Variants in CREB5 observed in about 807,000 individuals in gnomAD.
CREB5 encodes the protein cyclic AMP-responsive element-binding protein 5.
A neutral mutation model predicts 57.1 loss-of-function variants in CREB5; 19 were observed. The ratio of observed to expected loss-of-function variants is 0.33; its 90% CI spans 0.23 to 0.49. The LOEUF is 0.49. CREB5 is among the 20% of genes least tolerant of loss of function. The pLI is 0.99. For synonymous variants in CREB5, 238 were observed against 238.3 expected (o/e 1.00, Z 0.01); for missense variants, 579 against 671.6 (o/e 0.86, Z 1.52).
chr7:28,661,068 T>C lies in CREB5; in HGVS notation c.465-57685T>C, dbSNP rs112355372. ...GGAAATGTTGGGGGAGGGTAGGGAA[T>C]GGGGTGGTGGGAATGGGGGTGAGGG... On this transcript the variant is annotated intron_variant, in intron 5 of 10. Transcript: ENST00000357727. 1.9e-3 allele frequency among the ~76,000 whole-genome samples: 222 copies of C among 114,074 alleles called. 1 individual carries two copies. Among genetic ancestry groups the C allele is most frequent in the African/African-American group, 7.0e-3 (203 of 29,100 alleles). The allele number at this position is 114,074 out of a possible 152,430, so 74.8% of individuals were successfully genotyped here. A position where few individuals can be genotyped will look rare whatever the true frequency, so the allele number is the denominator to read the frequency against.
chr7:28,645,340 A>C (rs931993323), intron 5 of CREB5, among the ~76,000 whole-genome samples: 3 of 152,134 alleles, frequency 2.0e-5, no homozygotes, highest in African/African-American at 7.2e-5. Context: ...ATAAAACTAC[A>C]GTTGTTCTGT....
rs150720494 is a variant in CREB5 at position 28,806,523 on chromosome 7, A to G, written c.1026+2001A>G. ...AATTATAATTTATTACTTTTGATCA[A>G]AATTTTCAGAGCATCTATGCCAAGA... is the stretch of plus-strand genomic sequence containing the variant. On this transcript the variant is annotated intron_variant, in intron 8 of 10. Coordinates refer to ENST00000357727, the MANE Select transcript of CREB5 (RefSeq NM_182898.4). Among the ~76,000 whole-genome samples, 641 of 152,324 alleles carry G rather than the reference A, an allele frequency of 4.2e-3. 3 individuals are homozygous for G. The highest frequency in any genetic ancestry group is 0.014 in the African/African-American group (602 of 41,562).
At chr7:28,347,090 A>C (rs1786074244) in intron 1 of CREB5, among the ~76,000 whole-genome samples, 1 of 152,176 alleles carries the variant, frequency 6.6e-6, no homozygotes, top group Non-Finnish European at 1.5e-5. Flanking sequence ...CATTCTAGCA[A>C]ATCTTGTACA....
At chr7:28,798,890 G>A (rs1182910196) in intron 7 of CREB5, among the ~76,000 whole-genome samples, 1 of 152,070 alleles carries the variant, frequency 6.6e-6, no homozygotes, top group Non-Finnish European at 1.5e-5. Context: ...GGCATTAGGT[G>A]GAATGTTATT....
chr7:28,564,240 C>G (rs921715197), intron 4 of CREB5, among the ~76,000 whole-genome samples: 1 of 152,140 alleles, frequency 6.6e-6, no homozygotes. Flanking sequence ...GACCCTGGCT[C>G]TTTATGGAAA....
intron 1 of CREB5, among the ~76,000 whole-genome samples, chr7:28,383,441 G>T (rs1787007649): frequency 6.6e-6 from 1 of 152,182 alleles, no homozygotes. Context: ...TCAGGGTTCT[G>T]CAGGCTGCAC....
chr7:28,687,038 T>C (rs979077824), intron 5 of CREB5, among the ~76,000 whole-genome samples: 4 of 152,086 alleles, frequency 2.6e-5, no homozygotes, highest in Middle Eastern at 3.2e-3. Flanking sequence ...ACTGGAAAAC[T>C]GTGTGTTGTA....
At chr7:28,786,519 A>G (rs1456396380) in intron 7 of CREB5, among the ~76,000 whole-genome samples, 1 of 152,148 alleles carries the variant, frequency 6.6e-6, no homozygotes, top group African/African-American at 2.4e-5. Context: ...AAGTGCTGGG[A>G]TTACAGGTGT....
chr7:28,419,726 G>A (rs1045796560), intron 1 of CREB5, among the ~76,000 whole-genome samples: 1 of 152,006 alleles, frequency 6.6e-6, no homozygotes, highest in Non-Finnish European at 1.5e-5. Flanking sequence ...ACTCCTATTG[G>A]CCAAATATCT....
At chr7:28,572,765 C>G (rs998759243) in intron 5 of CREB5, among the ~76,000 whole-genome samples, 19 of 152,302 alleles carry the variant, frequency 1.2e-4, no homozygotes, top group African/African-American at 4.6e-4. Flanking sequence ...TGGCCCAGGA[C>G]TGTACATTTG....
chr7:28,768,609 G>A (rs536523418), intron 7 of CREB5, among the ~76,000 whole-genome samples: 2 of 152,322 alleles, frequency 1.3e-5, no homozygotes, highest in East Asian at 3.9e-4. Context: ...GCAACCTTTT[G>A]AAGGTACTGT....
chr7:28,487,798 C>T (rs912521660), intron 1 of CREB5, among the ~76,000 whole-genome samples: 4 of 152,192 alleles, frequency 2.6e-5, no homozygotes, highest in Non-Finnish European at 5.9e-5. Flanking sequence ...CAAAAGCTTT[C>T]AGCAGGACTG....
In CREB5 at chr7:28,570,346, C is replaced by T. The variant is rs1033613186; in HGVS notation, c.292-19C>T. 1 of 1,602,700 alleles carries T rather than the reference C, an allele frequency of 6.2e-7. No individual in the cohort carries two copies. The highest frequency in any genetic ancestry group is 8.5e-7 in the Non-Finnish European group (1 of 1,172,150). Reference sequence around the variant, plus strand: ...ACATTGACTCCTCCTGACCTTTCCCCTGTGTCTTCTCTGGGCAGAATATCT... The same window carrying T: ...ACATTGACTCCTCCTGACCTTTCCCTTGTGTCTTCTCTGGGCAGAATATCT... On this transcript the variant is annotated intron_variant, in intron 4 of 10. Coordinates refer to ENST00000357727, the MANE Select transcript of CREB5 (RefSeq NM_182898.4).
intron 5 of CREB5, among the ~76,000 whole-genome samples, chr7:28,613,449 G>A (rs1022855449): frequency 3.2e-4 from 49 of 152,112 alleles, no homozygotes; most frequent in African/African-American, 1.2e-3. Context: ...TCCTCTTTAC[G>A]ACTTATGACT....
intron 5 of CREB5, among the ~76,000 whole-genome samples, chr7:28,633,032 T>C (rs1221375061): frequency 1.3e-5 from 2 of 152,224 alleles, no homozygotes. Context: ...ATAGCTCTTA[T>C]CCTGTTCCAG....
At chr7:28,625,547 G>A (rs931298129) in intron 5 of CREB5, among the ~76,000 whole-genome samples, 2 of 152,112 alleles carry the variant, frequency 1.3e-5, no homozygotes, top group African/African-American at 4.8e-5. Flanking sequence ...AGCACAGTCC[G>A]CCAAAACCTC....
chr7:28,378,919 G>A (rs922800923), intron 1 of CREB5, among the ~76,000 whole-genome samples: 20 of 152,270 alleles, frequency 1.3e-4, no homozygotes, highest in Admixed American at 2.6e-4. Flanking sequence ...TTCCTGACCC[G>A]TAAGCCTGTC....
At chr7:28,737,582 TA>T (rs1562606922) in intron 7 of CREB5, among the ~76,000 whole-genome samples, 7 of 33,510 alleles carry the variant, frequency 2.1e-4, no homozygotes, top group Admixed American at 7.1e-4. Flanking sequence ...TATATATATA[TA>T]TATATTTTTA....
intron 4 of CREB5, among the ~76,000 whole-genome samples, chr7:28,536,189 G>A (rs998340258): frequency 6.6e-6 from 1 of 152,190 alleles, no homozygotes; most frequent in Non-Finnish European, 1.5e-5. Flanking sequence ...TAAGGTACAC[G>A]AAGGGGGATG....
Sources: allele counts gnomAD v4.1 joint callset (sites outside exome capture counted in the v4.1 genomes callset), GRCh38; gene constraint gnomAD v4.1.1; transcripts MANE v1.5; gene names NCBI Gene and HGNC (gene_info 2026-07-23, HGNC 2026-07-21).